Variants in CDK6 observed in about 807,000 individuals in gnomAD.
CDK6 encodes the protein cyclin-dependent kinase 6.
Under a neutral mutation model 37.1 loss-of-function variants are expected in CDK6, and 6 were observed. The observed-to-expected ratio is 0.16, with a 90% CI of 0.09 to 0.32. CDK6 has a LOEUF of 0.32. Ranked by LOEUF, CDK6 falls within the 10% of genes least tolerant of loss-of-function variation. The probability of loss-of-function intolerance (pLI) is 1.00; values close to 1 mark genes in which losing one functional copy is unlikely to be tolerated. For synonymous variants in CDK6, 160 were observed against 161.3 expected, an observed-to-expected ratio of 0.99 and a Z score of 0.06; for missense variants, 224 against 418.9, an observed-to-expected ratio of 0.53 and a Z score of 4.06.
rs138455415 is a variant in CDK6, at chr7:92,687,702, C to A, written c.538-16167G>T. 5.1e-3 allele frequency among the ~76,000 whole-genome samples: 773 copies of A among 152,302 alleles called. 9 individuals carry two copies. Among genetic ancestry groups the A allele is most frequent in the African/African-American group, 0.018 (743 of 41,568 alleles). On this transcript the variant is annotated intron_variant, in intron 4 of 7. Transcript: ENST00000424848. ...ATACTGAGGTGTACACAAATCTTAACATGTTCGATGTATCTTTACACATGT... is the reference window on the plus strand; with the variant it reads ...ATACTGAGGTGTACACAAATCTTAAAATGTTCGATGTATCTTTACACATGT...
chr7:92,800,393 C>T (rs1800539192), intron 2 of CDK6, among the ~76,000 whole-genome samples: 2 of 152,142 alleles, frequency 1.3e-5, no homozygotes, highest in African/African-American at 4.8e-5. Context: ...TCACATCGTT[C>T]TTCTCTTGTT....
At chr7:92,637,008 T>C (rs1222465574) in intron 5 of CDK6, among the ~76,000 whole-genome samples, 1 of 152,190 alleles carries the variant, frequency 6.6e-6, no homozygotes, top group African/African-American at 2.4e-5. Context: ...ATTTTGCTGG[T>C]ATATTGCTTT....
chr7:92,741,227 T>C (rs901044503), intron 3 of CDK6, among the ~76,000 whole-genome samples: 1 of 152,206 alleles, frequency 6.6e-6, no homozygotes, highest in Non-Finnish European at 1.5e-5. Context: ...GAGTGATATA[T>C]ACAGCTTGAT....
rs985802279 is a variant in CDK6 at position 92,608,772 on chromosome 7, C to A, written c.*6368G>T. 6.0e-5 allele frequency: 14 copies of A among 231,706 alleles called. No individual in the cohort carries two copies. Among genetic ancestry groups the A allele is most frequent in the African/African-American group, 3.1e-4 (14 of 45,350 alleles). The allele number at this position is 231,706 out of a possible 1,614,324, so 14.4% of individuals were successfully genotyped here. On this transcript the variant is annotated 3_prime_UTR_variant, in exon 8 of 8. Coordinates refer to ENST00000424848, the MANE Select transcript of CDK6 (RefSeq NM_001145306.2). Reference sequence around the variant, plus strand: ...AGACAGCAGCAGGGCACTCTGACCTCGGAAAGCAGCCCGCGGGGCCGCACA... The same window carrying A: ...AGACAGCAGCAGGGCACTCTGACCTAGGAAAGCAGCCCGCGGGGCCGCACA...
intron 2 of CDK6, among the ~76,000 whole-genome samples, chr7:92,783,256 C>T (rs1206927863): frequency 6.6e-6 from 1 of 152,152 alleles, no homozygotes; most frequent in African/African-American, 2.4e-5. Flanking sequence ...AAAAATAATA[C>T]AAAGATACAG....
At chr7:92,824,165 TAA>T (rs1181314628) in intron 2 of CDK6, among the ~76,000 whole-genome samples, 4 of 150,884 alleles carry the variant, frequency 2.7e-5, no homozygotes, top group Admixed American at 2.6e-4. Context: ...GCAAATTCAC[TAA>T]AGATTAGTGC....
chr7:92,681,333 G>A (rs1797332359), intron 4 of CDK6, among the ~76,000 whole-genome samples: 1 of 152,174 alleles, frequency 6.6e-6, no homozygotes, highest in South Asian at 2.1e-4. Flanking sequence ...CAGGGGGGCT[G>A]TGTACTCGTG....
intron 4 of CDK6, among the ~76,000 whole-genome samples, chr7:92,688,581 TCACACACACACACACACACACACACACA>T (rs35953301): frequency 5.5e-5 from 7 of 127,506 alleles, no homozygotes; most frequent in Admixed American, 2.4e-4. Context: ...TACATATACA[TCACACACACACACACACACACACACACA>T]CACACACACA....
chr7:92,764,366 G>A (rs979658950), intron 3 of CDK6, among the ~76,000 whole-genome samples: 2 of 151,976 alleles, frequency 1.3e-5, no homozygotes, highest in Admixed American at 1.3e-4. Flanking sequence ...TGAATTCCTG[G>A]GCTCAAGTGA....
intron 4 of CDK6, among the ~76,000 whole-genome samples, chr7:92,717,808 A>G (rs1562945418): frequency 6.6e-6 from 1 of 152,238 alleles, no homozygotes; most frequent in Non-Finnish European, 1.5e-5. Context: ...TGGTGCAATT[A>G]GATAGCCACA....
chr7:92,615,655 AG>A (rs1276163437), intron 7 of CDK6, among the ~76,000 whole-genome samples: 7 of 152,230 alleles, frequency 4.6e-5, no homozygotes, highest in Non-Finnish European at 8.8e-5. Context: ...ACTCAGAGGC[AG>A]GGCTATCTTC....
intron 4 of CDK6, among the ~76,000 whole-genome samples, chr7:92,715,686 G>A (rs1256879661): frequency 1.3e-5 from 2 of 152,226 alleles, no homozygotes; most frequent in East Asian, 3.9e-4. Flanking sequence ...GTCAATAAAT[G>A]CATCAGAAAA....
At chr7:92,710,016 G>C (rs1429092001) in intron 4 of CDK6, among the ~76,000 whole-genome samples, 2 of 152,158 alleles carry the variant, frequency 1.3e-5, no homozygotes, top group African/African-American at 4.8e-5. Context: ...GAATATATCA[G>C]TGCGCCTCTG....
intron 5 of CDK6, among the ~76,000 whole-genome samples, chr7:92,628,228 T>C (rs777887788): frequency 6.6e-6 from 1 of 152,146 alleles, no homozygotes; most frequent in Non-Finnish European, 1.5e-5. Flanking sequence ...AATGATTTGC[T>C]TTCTGCATTT....
chr7:92,796,064 C>A (rs1260726990), intron 2 of CDK6, among the ~76,000 whole-genome samples: 1 of 147,914 alleles, frequency 6.8e-6, no homozygotes, highest in Non-Finnish European at 1.5e-5. Context: ...AAAGGTAACA[C>A]CACCAGCAGC....
At chr7:92,636,705 G>A (rs947673074) in intron 5 of CDK6, among the ~76,000 whole-genome samples, 7 of 152,286 alleles carry the variant, frequency 4.6e-5, no homozygotes, top group Admixed American at 4.6e-4. Flanking sequence ...GAGACGGAGT[G>A]CCCAGGCTGG....
chr7:92,732,480 T>C (rs1261092654), intron 3 of CDK6, among the ~76,000 whole-genome samples: 2 of 152,254 alleles, frequency 1.3e-5, no homozygotes, highest in African/African-American at 4.8e-5. Context: ...TCTTTCCACA[T>C]TCTTCCTCTC....
intron 2 of CDK6, among the ~76,000 whole-genome samples, chr7:92,799,076 C>T (rs146344535): frequency 2.4e-4 from 37 of 152,244 alleles, no homozygotes; most frequent in Non-Finnish European, 4.4e-4. Context: ...CTCATAACAA[C>T]AAAAATGTTT....
intron 5 of CDK6, among the ~76,000 whole-genome samples, chr7:92,659,554 C>T (rs1796788554): frequency 6.6e-6 from 1 of 151,840 alleles, no homozygotes; most frequent in Admixed American, 6.6e-5. Context: ...AGATATTCCA[C>T]ATGGCAATGC....
Sources: gnomAD v4.1 joint callset for allele counts (sites outside exome capture counted in the v4.1 genomes callset) on GRCh38, gnomAD v4.1.1 for gene constraint, MANE v1.5 for transcripts, NCBI Gene and HGNC (gene_info 2026-07-23, HGNC 2026-07-21) for gene names.